Variants in ZNF292 observed in about 807,000 individuals in gnomAD.
ZNF292 encodes zinc finger protein 292, also known as 16 zinc-finger domain protein.
Under a neutral mutation model 217.9 loss-of-function variants are expected in ZNF292, and 26 were observed. That is an observed-to-expected ratio of 0.12 (90% CI 0.09 to 0.17). The LOEUF is 0.17. ZNF292 is among the 10% of genes least tolerant of loss of function. The pLI is 1.00. For missense variants in ZNF292, 2,904 were observed against 3,175.2 expected (o/e 0.91, Z 2.05); for synonymous variants, 1,257 against 1,124.1 (o/e 1.12, Z -2.37).
intron 7 of ZNF292, among the ~76,000 whole-genome samples, chr6:87,251,532 C>A (rs916253794): frequency 6.6e-6 from 1 of 152,180 alleles, no homozygotes; most frequent in Non-Finnish European, 1.5e-5. Context: ...TGTTCCTCCT[C>A]TGAATTAATG....
At chr6:87,159,079 ATG>A (rs1770635310) in intron 1 of ZNF292, among the ~76,000 whole-genome samples, 2 of 152,224 alleles carry the variant, frequency 1.3e-5, no homozygotes, top group South Asian at 4.1e-4. Flanking sequence ...TTTCTGGAGA[ATG>A]TGGTGAAACC....
At position 87,254,855 on chromosome 6, in the gene ZNF292, T is replaced by G; in HGVS notation, c.1226T>G (p.Leu409Trp). 1 of 1,613,858 alleles carries G rather than the reference T, an allele frequency of 6.2e-7. No homozygotes were observed. The highest frequency in any genetic ancestry group is 8.5e-7 in the Non-Finnish European group (1 of 1,179,792). Residue 409 changes from leucine (L) to tryptophan (W), a missense_variant, in exon 8 of 8, where the codon TTG becomes TGG. Around this residue, in one of 15 missense-constraint regions of ZNF292, gnomAD observed 313 missense variants for 451.0 expected, o/e 0.69. Transcript: ENST00000369577. ...TVDAYYAVEM[L>W]YNQPDQKYDE... is the part of the protein sequence containing the mutation. ...GATGCGTATTATGCTGTGGAAATGT[T>G]GTATAATCAGCCAGACCAGAAATAT...
chr6:87,165,459 C>G (rs1384546564), intron 1 of ZNF292, among the ~76,000 whole-genome samples: 1 of 152,202 alleles, frequency 6.6e-6, no homozygotes, highest in African/African-American at 2.4e-5. Context: ...CTTTATTTTA[C>G]TTCACCATTT....
intron 1 of ZNF292, among the ~76,000 whole-genome samples, chr6:87,164,721 C>G (rs904694691): frequency 1.3e-5 from 2 of 152,018 alleles, no homozygotes; most frequent in African/African-American, 4.8e-5. Flanking sequence ...GAGGCATCCC[C>G]GCCCCATCAC....
intron 1 of ZNF292, among the ~76,000 whole-genome samples, chr6:87,164,762 CTT>C (rs36077738): frequency 0.49 from 62,268 of 127,878 alleles, 15,390 homozygotes; most frequent in African/African-American, 0.66. Context: ...GGAATGACCT[CTT>C]TTTTTTTTTT....
At chr6:87,176,322 A>G (rs1228122388) in intron 1 of ZNF292, among the ~76,000 whole-genome samples, 1 of 152,230 alleles carries the variant, frequency 6.6e-6, no homozygotes, top group African/African-American at 2.4e-5. Context: ...TGGTCAAAGC[A>G]GGTAGGATCT....
chr6:87,176,658 A>G lies in ZNF292; in HGVS notation c.168+20899A>G, dbSNP rs149299076. On this transcript the variant is annotated intron_variant, in intron 1 of 7. Coordinates refer to ENST00000369577, the MANE Select transcript of ZNF292 (RefSeq NM_015021.3). Reference sequence around the variant, plus strand: ...CACTCTTCACTAGCAACACTCAAGCATTTTTCCCAACTCATCATTATGTCT... The same window carrying G: ...CACTCTTCACTAGCAACACTCAAGCGTTTTTCCCAACTCATCATTATGTCT... Among the ~76,000 whole-genome samples the G allele has an allele frequency of 1.2e-4, 19 of 152,134 alleles. No homozygotes were observed. The East Asian group carries it at 3.5e-3, about 28-fold the overall frequency.
intron 4 of ZNF292, 122 bp from the exon 5 acceptor site, chr6:87,233,203 A>G (rs998076132): frequency 3.0e-6 from 2 of 677,724 alleles, no homozygotes; most frequent in South Asian, 4.4e-5. Flanking sequence ...CTTACTAGCA[A>G]TAATAGAAAA....
intron 1 of ZNF292, among the ~76,000 whole-genome samples, chr6:87,188,625 T>C: frequency 6.6e-6 from 1 of 152,080 alleles, no homozygotes; most frequent in African/African-American, 2.4e-5. Flanking sequence ...TATTTAAAGT[T>C]CTTACAAAAT....
rs1562196487 is a variant in ZNF292, at chr6:87,261,355, G to A, written c.7726G>A (p.Glu2576Lys). The part of the protein sequence containing the change: ...ETAVAIQTIE[E>K]HPASFDWSSF... ...TGCTGTTGCCATTCAAACCATTGAG[G>A]AGCATCCTGCATCTTTTGACTGGAG... The change falls in exon 8 of 8, where the codon GAG becomes AAG. Residue 2576 changes from glutamate (E) to lysine (K), a missense_variant. Physicochemically the swap from Glu to Lys is moderately conservative, Grantham distance 56. Transcript: ENST00000369577. The A allele has an allele frequency of 7.4e-6, 12 of 1,613,336 alleles. No individual in the cohort carries two copies. In the East Asian group the frequency reaches 2.7e-4, roughly 36 times the overall value.
At position 87,223,081 on chromosome 6, in the gene ZNF292, T is replaced by G. The variant is rs116115068; in HGVS notation, c.538+4350T>G. On this transcript the variant is annotated intron_variant, in intron 4 of 7. Coordinates refer to ENST00000369577, the MANE Select transcript of ZNF292 (RefSeq NM_015021.3). ...GGTTTTTTGAGGTTTTTTGTTTGTT[T>G]GTTTGTTTGTTTTTTGAGAAAGGGT... 3.4e-3 allele frequency: 669 copies of G among 197,872 alleles called. 6 individuals are homozygous for G. Among genetic ancestry groups the G allele is most frequent in the African/African-American group, 0.014 (623 of 43,416 alleles). The allele number at this position is 197,872 out of a possible 1,614,324, so 12.3% of individuals were successfully genotyped here.
chr6:87,265,107 CTT>C lies in ZNF292; in HGVS notation c.*3314_*3315del, dbSNP rs995019194. Reference sequence around the variant, plus strand: ...GCTGTAGTTCTCTCTCTCTCTCTCTCTTTTTTTTTCTTTGTTTTTTTTGGAGA... The same window carrying C: ...GCTGTAGTTCTCTCTCTCTCTCTCTCTTTTTTTCTTTGTTTTTTTTGGAGA... On this transcript the variant is annotated 3_prime_UTR_variant, in exon 8 of 8. Coordinates refer to ENST00000369577, the MANE Select transcript of ZNF292 (RefSeq NM_015021.3). Among the ~76,000 whole-genome samples the C allele has an allele frequency of 7.5e-5, 11 of 147,596 alleles. No individual in the cohort carries two copies. Among genetic ancestry groups the C allele is most frequent in the African/African-American group, 2.8e-4 (11 of 39,000 alleles).
At position 87,243,594 on chromosome 6, in the gene ZNF292, A is replaced by G. The variant is rs1167093291; in HGVS notation, c.861A>G (p.Gly287=). The change falls in exon 6 of 8, where the codon GGA becomes GGG. Residue 287 remains glycine (G), a synonymous_variant. Transcript: ENST00000369577. ...TTTTGTCACGTCAGCTCCAACAAGG[A>G]GATATGTACTGCGCTTGGTGAGTTG... is the stretch of plus-strand genomic sequence containing the variant. ...TAFLSRQLQQ[G]DMYCAWELTL... 3 of 1,536,932 alleles carry G rather than the reference A, an allele frequency of 2.0e-6. No individual in the cohort carries two copies. Among genetic ancestry groups the G allele is most frequent in the Non-Finnish European group, 2.6e-6 (3 of 1,142,272 alleles).
rs182334001 is a variant in ZNF292 at position 87,214,023 on chromosome 6, G to A, written c.169-1880G>A. ...GAGGCTGCTTCTTCAGCATGTCAAAGTGCCACAGTTTGGGGTATCAGTTTC... is the reference window on the plus strand; with the variant it reads ...GAGGCTGCTTCTTCAGCATGTCAAAATGCCACAGTTTGGGGTATCAGTTTC... On this transcript the variant is annotated intron_variant, in intron 1 of 7. Coordinates refer to ENST00000369577, the MANE Select transcript of ZNF292 (RefSeq NM_015021.3). Among the ~76,000 whole-genome samples, 40 of 152,332 alleles carry A rather than the reference G, an allele frequency of 2.6e-4. No individual in the cohort carries two copies. In the East Asian group the frequency reaches 4.4e-3, roughly 17 times the overall value.
Position 87,261,631 on chromosome 6 carries a change from A to C in ZNF292, c.8002A>C (p.Ile2668Leu). 1 of 1,611,672 alleles carries C rather than the reference A, an allele frequency of 6.2e-7. No individual in the cohort carries two copies. Among genetic ancestry groups the C allele is most frequent in the Non-Finnish European group, 8.5e-7 (1 of 1,178,660 alleles). The change falls in exon 8 of 8, where the codon ATT becomes CTT. Residue 2668 changes from isoleucine (I) to leucine (L), a missense_variant. This residue lies in a region of ZNF292 where 380 missense variants were observed against 355.3 expected (regional missense o/e 1.07). Transcript: ENST00000369577. ...SQLQCSDNVK[I>L]VLDKNLKDCT... ...GCTTCAGTGCAGTGATAATGTAAAA[A>C]TTGTTTTAGACAAGAATCTTAAAGA...
rs180994052 is a variant in ZNF292, at chr6:87,176,725, G to A, written c.168+20966G>A. Among the ~76,000 whole-genome samples the A allele has an allele frequency of 2.4e-4, 36 of 152,202 alleles. 1 individual carries two copies. In the East Asian group the frequency reaches 4.1e-3, roughly 17 times the overall value. ...CTCAGAAAGTGGTTCCTGATGACCTGGTTGATAATCCATGCTTTACATACT... is the reference window on the plus strand; with the variant it reads ...CTCAGAAAGTGGTTCCTGATGACCTAGTTGATAATCCATGCTTTACATACT... On this transcript the variant is annotated intron_variant, in intron 1 of 7. Transcript: ENST00000369577.
intron 5 of ZNF292, among the ~76,000 whole-genome samples, chr6:87,240,876 A>G (rs577693100): frequency 6.6e-6 from 1 of 152,374 alleles, no homozygotes; most frequent in South Asian, 2.1e-4. Context: ...TGCAGGTGGA[A>G]TTCTGGAAAG....
chr6:87,202,502 T>A (rs992818152), intron 1 of ZNF292, among the ~76,000 whole-genome samples: 1 of 152,202 alleles, frequency 6.6e-6, no homozygotes, highest in Non-Finnish European at 1.5e-5. Context: ...TTATTTCTTT[T>A]TCAGATTGTG....
intron 1 of ZNF292, among the ~76,000 whole-genome samples, chr6:87,164,929 AT>A (rs71554705): frequency 1.1e-3 from 152 of 141,932 alleles, no homozygotes; most frequent in Non-Finnish European, 5.2e-4. Flanking sequence ...TGCCCGTCTA[AT>A]TTTTTTTTTT....
Sources: allele counts gnomAD v4.1 joint callset (sites outside exome capture counted in the v4.1 genomes callset), GRCh38; gene constraint gnomAD v4.1.1; regional missense constraint gnomAD v4.1.1; transcripts MANE v1.5; gene names NCBI Gene and HGNC (gene_info 2026-07-23, HGNC 2026-07-21).